Variants in EIF2B2 observed in about 807,000 individuals in gnomAD.
The protein encoded by EIF2B2 is translation initiation factor eIF2B subunit beta.
In EIF2B2, 34 loss-of-function variants were observed where a neutral mutation model predicts 34.7. The observed-to-expected ratio is 0.98, with a 90% CI of 0.75 to 1.31. The LOEUF is 1.31. EIF2B2 is among the 50% of genes most tolerant of loss of function. EIF2B2 has a pLI of 0.00. For missense variants in EIF2B2, 361 were observed against 447.7 expected (o/e 0.81, Z 1.75); for synonymous variants, 155 against 171.6 (o/e 0.90, Z 0.76).
At position 75,005,860 on chromosome 14, in the gene EIF2B2, T is replaced by G; in HGVS notation, c.598-6T>G. The G allele has an allele frequency of 1.2e-6, 2 of 1,609,770 alleles. No homozygotes were observed. Among genetic ancestry groups the G allele is most frequent in the Non-Finnish European group, 8.5e-7 (1 of 1,176,310 alleles). ...TCTTAGAATCAGCCTTTCCCTCCCATTGCAGGGTCATGAAATGGCTGTGAA... is the reference window on the plus strand; with the variant it reads ...TCTTAGAATCAGCCTTTCCCTCCCAGTGCAGGGTCATGAAATGGCTGTGAA... On this transcript the variant is annotated splice_region_variant and splice_polypyrimidine_tract_variant and intron_variant, in intron 4 of 7. Coordinates refer to ENST00000266126, the MANE Select transcript of EIF2B2 (RefSeq NM_014239.4).
Position 75,003,409 on chromosome 14 carries a change from C to T in EIF2B2, c.284+14C>T. 1.2e-6 allele frequency: 2 copies of T among 1,613,780 alleles called. No homozygotes were observed. The highest frequency in any genetic ancestry group is 1.7e-6 in the Non-Finnish European group (2 of 1,179,984). On this transcript the variant is annotated intron_variant, in intron 2 of 7. Transcript: ENST00000266126. ...GGAGTATGGCAGGTCAGGCTCACGT[C>T]CTGGGCTCCTGGTTGGATCCAGTGA...
intron 4 of EIF2B2, 70 bp downstream of exon 4, chr14:75,004,970 G>A: frequency 1.3e-6 from 2 of 1,525,334 alleles, no homozygotes; most frequent in East Asian, 4.5e-5. Context: ...GAGATGGGTA[G>A]GGCCATTCCA....
Position 75,006,258 on chromosome 14 carries a change from C to T in EIF2B2, c.693+297C>T, listed in dbSNP as rs1479853018. The T allele has an allele frequency of 7.6e-6, 4 of 526,252 alleles. No homozygotes were observed. Among genetic ancestry groups the T allele is most frequent in the African/African-American group, 3.8e-5 (2 of 52,444 alleles). The allele number at this position is 526,252 out of a possible 1,614,324, so 32.6% of individuals were successfully genotyped here. A position where few individuals can be genotyped will look rare whatever the true frequency, so the allele number is the denominator to read the frequency against. On this transcript the variant is annotated intron_variant, in intron 5 of 7. Transcript: ENST00000266126. The surrounding 1 kb of genome is among the most constrained non-coding windows in gnomAD (Gnocchi z 4.1). ...TTGGCTACAGGGCTCCTGCCTTATG[C>T]TCAAAGAGCTTGGCAGTTGTGGATA...
At chr14:75,003,432 T>G (rs1346440905) in intron 2 of EIF2B2, 37 bp downstream of exon 2, 1 of 1,613,884 alleles carries the variant, frequency 6.2e-7, no homozygotes, top group Admixed American at 1.7e-5. Flanking sequence ...TTGGATCCAG[T>G]GACACTTTTT....
chr14:75,002,989 A>C lies in EIF2B2; in HGVS notation c.-2A>C, dbSNP rs774957796. 3.1e-6 allele frequency: 5 copies of C among 1,613,966 alleles called. No individual in the cohort carries two copies. The Admixed American group carries it at 8.3e-5, about 27-fold the overall frequency. ...TGAAGGCTGAAGGCAGCTACCTTAA[A>C]GATGCCGGGATCCGCAGCGAAGGGC... On this transcript the variant is annotated 5_prime_UTR_variant, in exon 1 of 8. Transcript: ENST00000266126.
intron 7 of EIF2B2, chr14:75,008,562 G>A (rs1889660277): frequency 3.7e-6 from 1 of 272,688 alleles, no homozygotes; most frequent in Non-Finnish European, 7.2e-6. Context: ...AAGCAAGGCT[G>A]ATGTGGTAGA....
Position 75,007,793 on chromosome 14 carries a change from A to G in EIF2B2, c.898+5A>G. The G allele has an allele frequency of 6.2e-7, 1 of 1,613,654 alleles. No individual in the cohort carries two copies. Among genetic ancestry groups the G allele is most frequent in the Middle Eastern group, 1.6e-4 (1 of 6,062 alleles). On this transcript the variant is annotated splice_donor_5th_base_variant and intron_variant, in intron 7 of 7. Coordinates refer to ENST00000266126, the MANE Select transcript of EIF2B2 (RefSeq NM_014239.4). The stretch of plus-strand genomic sequence containing the variant: ...AAGTCCTGCCATTCACAGAAGGTAC[A>G]GAAGCTGTGTGTGCATGCGTGCATG...
In EIF2B2 at chr14:75,006,081, A is replaced by G. The variant is rs1889622806; in HGVS notation, c.693+120A>G. On this transcript the variant is annotated intron_variant, in intron 5 of 7. Coordinates refer to ENST00000266126, the MANE Select transcript of EIF2B2 (RefSeq NM_014239.4). This position sits in a 1 kb window ranked among gnomAD's most constrained non-coding sequence, Gnocchi z 4.1. ...AAGTTTCTAGCACCTTTCAAAGTAC[A>G]TACTTAGGCCTTTTTAATCTGTTAA... is the stretch of plus-strand genomic sequence containing the variant. 1.7e-5 allele frequency: 14 copies of G among 843,950 alleles called. No homozygotes were observed. In the South Asian group the frequency reaches 1.7e-4, roughly 10 times the overall value. 52.3% of individuals were successfully genotyped at this position (843,950 alleles called of 1,614,324 possible). A position where few individuals can be genotyped will look rare whatever the true frequency, so the allele number is the denominator to read the frequency against.
At position 75,003,633 on chromosome 14, in the gene EIF2B2, A is replaced by G. The variant is rs745423619; in HGVS notation, c.367A>G (p.Ser123Gly). 43 of 1,614,216 alleles carry G rather than the reference A, an allele frequency of 2.7e-5. No homozygotes were observed. The Admixed American group carries it at 4.0e-4, about 15-fold the overall frequency. The change falls in exon 3 of 8, where the codon AGC (serine) becomes GGC (glycine). Residue 123 changes from serine to glycine, a missense_variant. Transcript: ENST00000266126. ...LTSGGLNEDF[S>G]FHYAQLQSNI... is the part of the protein sequence containing the mutation. ...ATCCGGAGGCCTAAACGAGGATTTC[A>G]GCTTCCATTATGCCCAACTCCAGTC...
In EIF2B2 at chr14:75,003,543, C is replaced by T. The variant is rs762604029; in HGVS notation, c.285-8C>T. The T allele has an allele frequency of 5.6e-6, 9 of 1,614,128 alleles. No homozygotes were observed. Among genetic ancestry groups the T allele is most frequent in the South Asian group, 5.5e-5 (5 of 91,072 alleles). Reference sequence around the variant, plus strand: ...CACCTCTCTCTTTGGGTCTTGTTGCCTCTATAGACTCCATGGACGCAGCGA... The same window carrying T: ...CACCTCTCTCTTTGGGTCTTGTTGCTTCTATAGACTCCATGGACGCAGCGA... On this transcript the variant is annotated splice_region_variant and splice_polypyrimidine_tract_variant and intron_variant, in intron 2 of 7. Transcript: ENST00000266126.
At position 75,003,414 on chromosome 14, in the gene EIF2B2, G is replaced by C; in HGVS notation, c.284+19G>C. On this transcript the variant is annotated intron_variant, in intron 2 of 7. Coordinates refer to ENST00000266126, the MANE Select transcript of EIF2B2 (RefSeq NM_014239.4). Reference sequence around the variant, plus strand: ...ATGGCAGGTCAGGCTCACGTCCTGGGCTCCTGGTTGGATCCAGTGACACTT... The same window carrying C: ...ATGGCAGGTCAGGCTCACGTCCTGGCCTCCTGGTTGGATCCAGTGACACTT... 4 of 1,613,794 alleles carry C rather than the reference G, an allele frequency of 2.5e-6. No individual in the cohort carries two copies. The highest frequency in any genetic ancestry group is 3.4e-6 in the Non-Finnish European group (4 of 1,179,970).
Position 75,006,694 on chromosome 14 carries a change from A to G in EIF2B2, c.811A>G (p.Met271Val), listed in dbSNP as rs759810972. 2 of 1,614,172 alleles carry G rather than the reference A, an allele frequency of 1.2e-6. No individual in the cohort carries two copies. The highest frequency in any genetic ancestry group is 1.7e-6 in the Non-Finnish European group (2 of 1,180,032). Residue 271 changes from methionine to valine, a missense_variant, in exon 6 of 8, where the codon ATG (methionine) becomes GTG (valine). By Grantham distance (21) the Met-to-Val change is conservative. Transcript: ENST00000266126. The surrounding 1 kb of genome is among the most constrained non-coding windows in gnomAD (Gnocchi z 4.1). ...HSTPLIVCAPMFKLSPQFPNE... is the reference protein window; with the variant it reads ...HSTPLIVCAPVFKLSPQFPNE... ...CACCCCACTCATCGTCTGTGCACCT[A>G]TGTTCAAACTTTCTCCACAGGTAAG...
rs17183320 is a variant in EIF2B2 at position 75,010,050 on chromosome 14, A to G, written c.*862A>G. ...AAATGAAAGTATAGTTTCCTTTACAATTCACTGCTCCTGGCCCCAAAGTTT... is the reference window on the plus strand; with the variant it reads ...AAATGAAAGTATAGTTTCCTTTACAGTTCACTGCTCCTGGCCCCAAAGTTT... On this transcript the variant is annotated 3_prime_UTR_variant, in exon 8 of 8. Coordinates refer to ENST00000266126, the MANE Select transcript of EIF2B2 (RefSeq NM_014239.4). The G allele has an allele frequency of 0.021, 3,140 of 152,340 alleles. 48 individuals are homozygous for G. The highest frequency in any genetic ancestry group is 0.039 in the South Asian group (188 of 4,830). The allele number at this position is 152,340 out of a possible 1,614,324, so 9.4% of individuals were successfully genotyped here. A position where few individuals can be genotyped will look rare whatever the true frequency, so the allele number is the denominator to read the frequency against.
In EIF2B2 at chr14:75,009,191, G is replaced by C. The variant is rs112087431; in HGVS notation, c.*3G>C. 0.014 allele frequency: 22,269 copies of C among 1,613,784 alleles called. 260 individuals carry two copies. Among genetic ancestry groups the C allele is most frequent in the African/African-American group, 0.047 (3,508 of 74,940 alleles). On this transcript the variant is annotated 3_prime_UTR_variant, in exon 8 of 8. Transcript: ENST00000266126. ...ATCCTGATGATCATGTTTTATGACCGACCACACGTGTCCTAAGCAGATTGC... is the reference window on the plus strand; with the variant it reads ...ATCCTGATGATCATGTTTTATGACCCACCACACGTGTCCTAAGCAGATTGC...
At position 75,002,967 on chromosome 14, in the gene EIF2B2, A is replaced by C; in HGVS notation, c.-24A>C. On this transcript the variant is annotated 5_prime_UTR_variant, in exon 1 of 8. Transcript: ENST00000266126. The stretch of plus-strand genomic sequence containing the variant: ...TGGCAGGTGTGGATTCCGCCGGTGA[A>C]GGCTGAAGGCAGCTACCTTAAAGAT... 1 of 1,613,710 alleles carries C rather than the reference A, an allele frequency of 6.2e-7. No homozygotes were observed. The highest frequency in any genetic ancestry group is 8.5e-7 in the Non-Finnish European group (1 of 1,180,006).
At chr14:75,005,106 G>T in intron 4 of EIF2B2, 1 of 534,328 alleles carries the variant, frequency 1.9e-6, no homozygotes, top group Non-Finnish European at 3.4e-6. Context: ...GGCCGGGAGC[G>T]ATGGCTCATG....
rs1889622889 is a variant in EIF2B2, at chr14:75,006,092, T to C, written c.693+131T>C. The C allele has an allele frequency of 1.3e-6, 1 of 776,444 alleles. No individual in the cohort carries two copies. Among genetic ancestry groups the C allele is most frequent in the East Asian group, 2.6e-5 (1 of 38,094 alleles). The allele number at this position is 776,444 out of a possible 1,614,324, so 48.1% of individuals were successfully genotyped here. A position where few individuals can be genotyped will look rare whatever the true frequency, so the allele number is the denominator to read the frequency against. ...ACCTTTCAAAGTACATACTTAGGCC[T>C]TTTTAATCTGTTAACTGAATTTCTT... On this transcript the variant is annotated intron_variant, in intron 5 of 7. Coordinates refer to ENST00000266126, the MANE Select transcript of EIF2B2 (RefSeq NM_014239.4). This position sits in a 1 kb window ranked among gnomAD's most constrained non-coding sequence, Gnocchi z 4.1.
At chr14:75,008,886 C>T (rs1595010877) in intron 7 of EIF2B2, 145 bp from the exon 8 acceptor site, 1 of 951,558 alleles carries the variant, frequency 1.1e-6, no homozygotes, top group East Asian at 2.4e-5. Context: ...GATCTGAAGT[C>T]ATCTCTTCTG....
At chr14:75,008,349 C>T (rs1889657217) in intron 7 of EIF2B2, 2 of 175,998 alleles carry the variant, frequency 1.1e-5, no homozygotes, top group Admixed American at 1.1e-4. Context: ...GTCCTAGTTC[C>T]TCTTGGAAGT....
Sources: allele counts gnomAD v4.1 joint callset, GRCh38; gene constraint gnomAD v4.1.1; non-coding constraint Gnocchi (gnomAD v3.1); transcripts MANE v1.5; gene names NCBI Gene and HGNC (gene_info 2026-07-23, HGNC 2026-07-21).